TOP6BL: variants seen among roughly 807,000 people sequenced by gnomAD.
TOP6BL encodes type 2 DNA topoisomerase 6 subunit B-like.
chr11:66,818,944 A>G, the TOP6BL span, among the ~76,000 whole-genome samples: 1 of 152,218 alleles, frequency 6.6e-6, no homozygotes, highest in Non-Finnish European at 1.5e-5. Flanking sequence ...TGTACTCAGT[A>G]TTGGATTTAA....
chr11:66,815,075 G>A, the TOP6BL span, among the ~76,000 whole-genome samples: 8 of 152,142 alleles, frequency 5.3e-5, no homozygotes, highest in East Asian at 1.9e-4. Context: ...GGTATTCTGC[G>A]GCTATGACTG....
At chr11:66,816,053 A>G in the TOP6BL span, 1 of 1,595,470 alleles carries the variant, frequency 6.3e-7, no homozygotes, top group Non-Finnish European at 8.5e-7. Context: ...TGTCCTCTAG[A>G]TTTGGTGCTT....
the TOP6BL span, among the ~76,000 whole-genome samples, chr11:66,754,856 A>G: frequency 6.6e-6 from 1 of 152,322 alleles, no homozygotes; most frequent in Non-Finnish European, 1.5e-5. Flanking sequence ...ATCCACACCA[A>G]AGTTAGGGAG....
At chr11:66,804,374 G>A in the TOP6BL span, among the ~76,000 whole-genome samples, 1 of 152,214 alleles carries the variant, frequency 6.6e-6, no homozygotes, top group Non-Finnish European at 1.5e-5. Flanking sequence ...ACTGTAAAAT[G>A]TGACACATGC....
At chr11:66,839,166 G>C in the TOP6BL span, 1 of 456,162 alleles carries the variant, frequency 2.2e-6, no homozygotes, top group African/African-American at 2.0e-5. Context: ...CAGCAGCAGG[G>C]GTACAGCAGC....
At chr11:66,749,278 G>T in the TOP6BL span, among the ~76,000 whole-genome samples, 1 of 152,220 alleles carries the variant, frequency 6.6e-6, no homozygotes, top group South Asian at 2.1e-4. Flanking sequence ...CTCTTACTCT[G>T]CATGAACTGC....
the TOP6BL span, chr11:66,843,175 C>T: frequency 6.2e-7 from 1 of 1,611,218 alleles, no homozygotes; most frequent in Non-Finnish European, 8.5e-7. Context: ...GCAGGACGTG[C>T]TGTGGCTGCA....
At chr11:66,816,283 A>G in the TOP6BL span, 1 of 1,350,464 alleles carries the variant, frequency 7.4e-7, no homozygotes, top group East Asian at 2.5e-5. Context: ...ACACATCTAA[A>G]TTAGATATAT....
chr11:66,818,846 A>G, the TOP6BL span, among the ~76,000 whole-genome samples: 3 of 152,216 alleles, frequency 2.0e-5, no homozygotes, highest in African/African-American at 7.2e-5. Context: ...GATTCCTCAG[A>G]AACACAGTAT....
chr11:66,754,581 G>A, the TOP6BL span, among the ~76,000 whole-genome samples: 2 of 152,160 alleles, frequency 1.3e-5, no homozygotes, highest in Non-Finnish European at 2.9e-5. Flanking sequence ...ACTAAAAGGT[G>A]ATCTAATTGG....
chr11:66,757,747 C>T, the TOP6BL span, among the ~76,000 whole-genome samples: 1 of 152,110 alleles, frequency 6.6e-6, no homozygotes, highest in Non-Finnish European at 1.5e-5. Context: ...CCACCACGCT[C>T]AGCTAATTTT....
the TOP6BL span, among the ~76,000 whole-genome samples, chr11:66,817,641 G>A: frequency 1.3e-5 from 2 of 152,078 alleles, no homozygotes; most frequent in Non-Finnish European, 2.9e-5. Context: ...GTTTCACCAT[G>A]TTGGTCAGGC....
chr11:66,801,545 A>G, the TOP6BL span, among the ~76,000 whole-genome samples: 1 of 152,204 alleles, frequency 6.6e-6, no homozygotes, highest in Non-Finnish European at 1.5e-5. Flanking sequence ...ACTCCAAGAA[A>G]GTAAATCTGG....
At chr11:66,801,221 CTA>C in the TOP6BL span, 1 of 1,045,478 alleles carries the variant, frequency 9.6e-7, no homozygotes, top group South Asian at 1.5e-5. Flanking sequence ...GTCAGCTTCT[CTA>C]TAAGAAAAGC....
At chr11:66,758,302 C>CTTTTTTTTTTCTTTTTTTTTTT in the TOP6BL span, 1 of 67,318 alleles carries the variant, frequency 1.5e-5, no homozygotes, top group African/African-American at 7.1e-5. Flanking sequence ...TTTTCTTTTT[C>CTTTTTTTTTTCTTTTTTTTTTT]TTTTTTTTTT....
At chr11:66,798,916 A>G in the TOP6BL span, among the ~76,000 whole-genome samples, 5 of 151,926 alleles carry the variant, frequency 3.3e-5, no homozygotes, top group African/African-American at 4.8e-5. Flanking sequence ...TACTAAAAAT[A>G]CAAATATTGG....
chr11:66,774,291 A>G, the TOP6BL span, among the ~76,000 whole-genome samples: 2 of 152,144 alleles, frequency 1.3e-5, no homozygotes, highest in African/African-American at 2.4e-5. Context: ...GATTCTATAT[A>G]TGCTTGGGTC....
chr11:66,784,956 CTTT>C, the TOP6BL span, among the ~76,000 whole-genome samples: 2 of 95,118 alleles, frequency 2.1e-5, no homozygotes, highest in Non-Finnish European at 2.0e-5. Context: ...TCTAAGATTT[CTTT>C]TTTTTTTTTT....
At chr11:66,819,325 A>G in the TOP6BL span, among the ~76,000 whole-genome samples, 18 of 152,316 alleles carry the variant, frequency 1.2e-4, no homozygotes, top group African/African-American at 4.3e-4. Flanking sequence ...AGTTTTAGGA[A>G]TGAACTTTGA....
Sources: allele counts gnomAD v4.1 joint callset (sites outside exome capture counted in the v4.1 genomes callset), GRCh38; gene constraint gnomAD v4.1.1; transcripts MANE v1.5; gene names NCBI Gene and HGNC (gene_info 2026-07-23, HGNC 2026-07-21).